The following ALK variants were observed in gnomAD, a reference collection of about 807,000 sequenced individuals.
ALK encodes the protein ALK tyrosine kinase receptor.
A neutral mutation model predicts 163.1 loss-of-function variants in ALK; 74 were observed. The ratio of observed to expected loss-of-function variants is 0.45; its 90% CI spans 0.38 to 0.55. The LOEUF is 0.55. Among genes scored for constraint, ALK ranks in the 20% least tolerant of loss-of-function variants. The pLI is 0.00. For synonymous variants in ALK, 960 were observed against 843.2 expected (o/e 1.14, Z -2.40); for missense variants, 2,063 against 2,105.3 (o/e 0.98, Z 0.39).
chr2:29,478,627 C>T (rs199751967), intron 4 of ALK, among the ~76,000 whole-genome samples: 2 of 152,342 alleles, frequency 1.3e-5, no homozygotes, highest in South Asian at 4.1e-4. Flanking sequence ...CATACGCATA[C>T]GCAAGTCAGT....
At chr2:29,650,494 C>T (rs75311011) in intron 3 of ALK, among the ~76,000 whole-genome samples, 2,279 of 152,244 alleles carry the variant, frequency 0.015, 31 homozygotes, top group South Asian at 0.046. Context: ...GGTCTTAAGA[C>T]GTCCCGGGGC....
At chr2:29,343,673 G>C (rs1252878498) in intron 5 of ALK, among the ~76,000 whole-genome samples, 2 of 152,192 alleles carry the variant, frequency 1.3e-5, no homozygotes, top group Non-Finnish European at 2.9e-5. Context: ...GAGTTTCCAT[G>C]TGCAGGAAGA....
chr2:29,887,770 C>T (rs1221824416), intron 1 of ALK, among the ~76,000 whole-genome samples: 1 of 152,164 alleles, frequency 6.6e-6, no homozygotes, highest in Non-Finnish European at 1.5e-5. Context: ...TCCATTGCAC[C>T]AAAATTCTGT....
chr2:29,439,986 C>G (rs1356294006), intron 4 of ALK, among the ~76,000 whole-genome samples: 1 of 152,212 alleles, frequency 6.6e-6, no homozygotes, highest in Admixed American at 6.5e-5. Context: ...AATCCCAGCA[C>G]TTTGGGAGGC....
intron 3 of ALK, among the ~76,000 whole-genome samples, chr2:29,532,645 CTGT>C (rs1026622053): frequency 3.3e-5 from 5 of 152,192 alleles, no homozygotes; most frequent in East Asian, 1.9e-4. Flanking sequence ...CAAATCTCCC[CTGT>C]TGTTGTGCCC....
intron 4 of ALK, among the ~76,000 whole-genome samples, chr2:29,406,685 A>G (rs556729513): frequency 3.3e-5 from 5 of 152,132 alleles, no homozygotes; most frequent in Admixed American, 6.5e-5. Flanking sequence ...GCCAATCATG[A>G]GATCAGGAGA....
At chr2:29,682,276 A>C (rs1678094246) in intron 3 of ALK, among the ~76,000 whole-genome samples, 2 of 152,196 alleles carry the variant, frequency 1.3e-5, no homozygotes, top group South Asian at 4.1e-4. Context: ...AGGGCTGGGC[A>C]ATTATGGATG....
intron 4 of ALK, among the ~76,000 whole-genome samples, chr2:29,501,956 G>GCA (rs1672199468): frequency 6.6e-6 from 1 of 152,126 alleles, no homozygotes; most frequent in Non-Finnish European, 1.5e-5. Context: ...TGTCTGGTTA[G>GCA]CATAATGTCT....
intron 1 of ALK, among the ~76,000 whole-genome samples, chr2:29,756,529 A>ATTTTTT (rs35599126): frequency 2.9e-5 from 4 of 138,778 alleles, no homozygotes; most frequent in African/African-American, 1.1e-4. Context: ...TTACTCATTG[A>ATTTTTT]TTTTTTTTTT....
intron 2 of ALK, among the ~76,000 whole-genome samples, chr2:29,704,439 C>T (rs867862435): frequency 2.0e-5 from 3 of 152,160 alleles, no homozygotes; most frequent in Admixed American, 6.5e-5. Flanking sequence ...TGGCTGGTTG[C>T]AAGGCTGGTA....
chr2:29,276,007 G>A (rs1665538192), intron 9 of ALK, among the ~76,000 whole-genome samples: 1 of 152,112 alleles, frequency 6.6e-6, no homozygotes, highest in Admixed American at 6.5e-5. Context: ...AAATGCTTCT[G>A]TACCAGCCAA....
chr2:29,695,428 C>T (rs1358758743), intron 2 of ALK, among the ~76,000 whole-genome samples: 4 of 152,286 alleles, frequency 2.6e-5, no homozygotes, highest in East Asian at 3.9e-4. Context: ...GAAAACTCAC[C>T]TCTCTGACCC....
intron 4 of ALK, among the ~76,000 whole-genome samples, chr2:29,529,993 T>C (rs1558369376): frequency 6.6e-6 from 1 of 150,876 alleles, no homozygotes; most frequent in Non-Finnish European, 1.5e-5. Context: ...AGGCTGCCCC[T>C]GAAGGCACTG....
intron 3 of ALK, among the ~76,000 whole-genome samples, chr2:29,651,949 G>A (rs1243876687): frequency 6.6e-6 from 1 of 152,090 alleles, no homozygotes; most frequent in East Asian, 1.9e-4. Context: ...TATAGGCCTC[G>A]AGTGTACAGG....
chr2:29,577,072 C>T (rs555464888), intron 3 of ALK, among the ~76,000 whole-genome samples: 5 of 152,082 alleles, frequency 3.3e-5, no homozygotes, highest in Non-Finnish European at 7.4e-5. Flanking sequence ...GAAACCAGTC[C>T]CCAGTGCCAA....
At chr2:29,652,355 A>G (rs565557247) in intron 3 of ALK, among the ~76,000 whole-genome samples, 3 of 152,268 alleles carry the variant, frequency 2.0e-5, no homozygotes, top group African/African-American at 7.2e-5. Flanking sequence ...TTCTCTTTGC[A>G]TGATGTGATT....
chr2:29,824,642 T>C (rs1446650132), intron 1 of ALK, among the ~76,000 whole-genome samples: 10 of 152,214 alleles, frequency 6.6e-5, no homozygotes, highest in East Asian at 3.8e-4. Flanking sequence ...ACAGGGCCTG[T>C]AGCCCCTTTG....
intron 3 of ALK, among the ~76,000 whole-genome samples, chr2:29,537,012 T>TGG (rs1673275572): frequency 6.6e-6 from 1 of 152,150 alleles, no homozygotes; most frequent in African/African-American, 2.4e-5. Context: ...TGATCAGATA[T>TGG]GGGAGCAAAG....
At chr2:29,354,103 T>C (rs1039948953) in intron 5 of ALK, among the ~76,000 whole-genome samples, 1 of 152,216 alleles carries the variant, frequency 6.6e-6, no homozygotes. Context: ...TCTCATGTGC[T>C]GGCCATAAGG....
Sources: allele counts gnomAD v4.1 joint callset (sites outside exome capture counted in the v4.1 genomes callset), GRCh38; gene constraint gnomAD v4.1.1; transcripts MANE v1.5; gene names NCBI Gene and HGNC (gene_info 2026-07-23, HGNC 2026-07-21).